Variants in TOPAZ1 observed in about 807,000 individuals in gnomAD.
The protein encoded by TOPAZ1 is protein TOPAZ1.
TOPAZ1 carries 66 observed loss-of-function variants against 172.2 expected under a neutral mutation model. The observed-to-expected ratio is 0.38, with a 90% CI of 0.31 to 0.47. The LOEUF (loss-of-function observed/expected upper bound fraction) is 0.47. Among genes scored for constraint, TOPAZ1 ranks in the 20% least tolerant of loss-of-function variants. TOPAZ1 has a pLI of 0.99. For missense variants in TOPAZ1, 1,822 were observed against 1,972.4 expected, an observed-to-expected ratio of 0.92 and a Z score of 1.44; for synonymous variants, 681 against 683.9, an observed-to-expected ratio of 1.00 and a Z score of 0.07.
rs71085610 is a variant in TOPAZ1 at position 44,267,289 on chromosome 3, C to CT, written c.3160+175dup. Among the ~76,000 whole-genome samples the CT allele has an allele frequency of 8.2e-3, 862 of 104,616 alleles. 17 individuals carry two copies. Among genetic ancestry groups the CT allele is most frequent in the African/African-American group, 0.025 (636 of 25,902 alleles). 68.6% of individuals were successfully genotyped at this position (104,616 alleles called of 152,430 possible). A position where few individuals can be genotyped will look rare whatever the true frequency, so the allele number is the denominator to read the frequency against. ...AAGGTTTGTGCACCTTTACTTAGTA[C>CT]TTTTTTTTTTTTTTTTTTTTTTGAG... On this transcript the variant is annotated intron_variant, in intron 6 of 19. Transcript: ENST00000309765.
rs755958272 is a variant in TOPAZ1, at chr3:44,270,743, A to G, written c.3305A>G (p.Asn1102Ser). 6.4e-7 allele frequency: 1 copy of G among 1,550,938 alleles called. No individual in the cohort carries two copies. Among genetic ancestry groups the G allele is most frequent in the South Asian group, 1.2e-5 (1 of 83,856 alleles). ...IPYKYCKFHF[N>S]TLRGCERPLC... ...TATAAATATTGCAAATTTCATTTTA[A>G]TACATTACGTGGCTGTGAGCGACCA... Residue 1102 changes from asparagine to serine, a missense_variant, in exon 8 of 20, where the codon AAT becomes AGT. Physicochemically the swap from Asn to Ser is conservative, Grantham distance 46. This residue lies in a region of TOPAZ1 where 1,489 missense variants were observed against 1,490.8 expected (regional missense o/e 1.00). Coordinates refer to ENST00000309765, the MANE Select transcript of TOPAZ1 (RefSeq NM_001145030.2).
chr3:44,249,392 A>C (rs1459435841), intron 2 of TOPAZ1, among the ~76,000 whole-genome samples: 3 of 152,208 alleles, frequency 2.0e-5, no homozygotes, highest in Non-Finnish European at 4.4e-5. Context: ...ATTTTAGATT[A>C]ACAAAGAAGA....
chr3:44,304,973 A>G (rs893199419), intron 13 of TOPAZ1, among the ~76,000 whole-genome samples, 174 bp from the exon 14 acceptor site: 1 of 152,216 alleles, frequency 6.6e-6, no homozygotes, highest in African/African-American at 2.4e-5. Flanking sequence ...CAAAGTTACA[A>G]TAGTGTGTTG....
In TOPAZ1 at chr3:44,244,383, C is replaced by T. The variant is rs145012699; in HGVS notation, c.1877C>T (p.Thr626Met). ...TTAACCAGTGAGACTCAAAGCTTAA[C>T]GGGAAATAAAAAAAAAGCTAGAGGA... The part of the protein sequence containing the change: ...TQLTSETQSL[T>M]GNKKKARGNL... Residue 626 changes from threonine (T) to methionine (M), a missense_variant, in exon 2 of 20, where the codon ACG becomes ATG. Thr to Met is a moderately conservative substitution (Grantham distance 81, BLOSUM62 -1). Coordinates refer to ENST00000309765, the MANE Select transcript of TOPAZ1 (RefSeq NM_001145030.2). 5.2e-4 allele frequency: 811 copies of T among 1,550,390 alleles called. 1 individual carries two copies. Among genetic ancestry groups the T allele is most frequent in the South Asian group, 4.2e-3 (354 of 83,852 alleles).
At chr3:44,255,720 C>CAT (rs1384198788) in intron 3 of TOPAZ1, among the ~76,000 whole-genome samples, 3 of 13,958 alleles carry the variant, frequency 2.1e-4, no homozygotes, top group Non-Finnish European at 5.1e-4. Context: ...CACACACACA[C>CAT]ATATATATAT....
At chr3:44,255,110 C>A in intron 3 of TOPAZ1, 81 bp downstream of exon 3, 1 of 1,010,204 alleles carries the variant, frequency 9.9e-7, no homozygotes, top group Non-Finnish European at 1.5e-6. Flanking sequence ...GATGAATTCA[C>A]TAGAACAAGA....
chr3:44,334,240 CCT>C (rs1365654112), downstream of TOPAZ1, among the ~76,000 whole-genome samples: 2 of 152,114 alleles, frequency 1.3e-5, no homozygotes, highest in Non-Finnish European at 2.9e-5. Context: ...TCATTTTCCC[CCT>C]GACAGATATC....
intron 19 of TOPAZ1, among the ~76,000 whole-genome samples, chr3:44,329,500 G>A (rs1700640256): frequency 6.6e-6 from 1 of 152,210 alleles, no homozygotes; most frequent in Non-Finnish European, 1.5e-5. Context: ...GAAAAAGCAA[G>A]GAGGAAGCTG....
At chr3:44,284,794 GA>G (rs1401627830) in intron 9 of TOPAZ1, among the ~76,000 whole-genome samples, 1 of 152,070 alleles carries the variant, frequency 6.6e-6, no homozygotes, top group Non-Finnish European at 1.5e-5. Context: ...CAATTCAGTA[GA>G]AAAAAGTCTT....
At chr3:44,315,200 C>CATGTGTGTGTGTGT (rs1255094658) in intron 16 of TOPAZ1, among the ~76,000 whole-genome samples, 3 of 150,096 alleles carry the variant, frequency 2.0e-5, no homozygotes, top group African/African-American at 7.4e-5. Flanking sequence ...TTTGAAAGAA[C>CATGTGTGTGTGTGT]GTGTGTGTGT....
At chr3:44,253,916 G>A (rs1699664504) in intron 2 of TOPAZ1, among the ~76,000 whole-genome samples, 1 of 152,192 alleles carries the variant, frequency 6.6e-6, no homozygotes, top group Non-Finnish European at 1.5e-5. Context: ...GTGGGATTAT[G>A]AGTGTTTATT....
At position 44,304,764 on chromosome 3, in the gene TOPAZ1, T is replaced by C. The variant is rs1001637767; in HGVS notation, c.3865-383T>C. Among the ~76,000 whole-genome samples, 16 of 152,360 alleles carry C rather than the reference T, an allele frequency of 1.1e-4. No homozygotes were observed. In the East Asian group the frequency reaches 2.7e-3, roughly 26 times the overall value. ...ATGGCCAGATAACATTAAAATGTAC[T>C]TTCTAAAAGTAGTAAAATAATGCAT... On this transcript the variant is annotated intron_variant, in intron 13 of 19. Coordinates refer to ENST00000309765, the MANE Select transcript of TOPAZ1 (RefSeq NM_001145030.2).
intron 5 of TOPAZ1, 94 bp downstream of exon 5, chr3:44,262,577 T>A: frequency 1.6e-6 from 1 of 611,434 alleles, no homozygotes; most frequent in Non-Finnish European, 2.8e-6. Flanking sequence ...GTTTATATGC[T>A]TGGGCTATAT....
intron 2 of TOPAZ1, among the ~76,000 whole-genome samples, chr3:44,251,190 G>T (rs543117091): frequency 7.0e-4 from 106 of 152,030 alleles, no homozygotes; most frequent in Non-Finnish European, 1.3e-3. Context: ...ATGCCATCAT[G>T]GCTCACTGCA....
intron 16 of TOPAZ1, among the ~76,000 whole-genome samples, chr3:44,310,855 T>G (rs1196148700): frequency 6.6e-6 from 1 of 152,220 alleles, no homozygotes; most frequent in African/African-American, 2.4e-5. Context: ...AAGGCAATTC[T>G]TCTAAGCAGA....
chr3:44,323,322 A>G (rs1488105302), intron 18 of TOPAZ1, 27 bp downstream of exon 18: 2 of 1,419,470 alleles, frequency 1.4e-6, no homozygotes, highest in East Asian at 2.5e-5. Context: ...ATGTTTTAAT[A>G]TATTGGTTTA....
intron 4 of TOPAZ1, among the ~76,000 whole-genome samples, chr3:44,257,468 T>G (rs370063666): frequency 0.018 from 560 of 31,034 alleles, 11 homozygotes; most frequent in African/African-American, 0.063. Flanking sequence ...TATATATATA[T>G]AGTGTGTGTG....
At chr3:44,306,456 G>T (rs1242281942) in intron 15 of TOPAZ1, 30 bp downstream of exon 15, 1 of 1,286,482 alleles carries the variant, frequency 7.8e-7, no homozygotes, top group Non-Finnish European at 1.1e-6. Flanking sequence ...TCTTGGCTTG[G>T]TATAGAGACT....
At chr3:44,255,474 A>G (rs888881968) in intron 3 of TOPAZ1, among the ~76,000 whole-genome samples, 1 of 151,810 alleles carries the variant, frequency 6.6e-6, no homozygotes, top group Non-Finnish European at 1.5e-5. Flanking sequence ...AACATGGTGA[A>G]ACCCCATCTC....
Sources: gnomAD v4.1 joint callset for allele counts (sites outside exome capture counted in the v4.1 genomes callset) on GRCh38, gnomAD v4.1.1 for gene constraint, gnomAD v4.1.1 regional missense constraint, MANE v1.5 for transcripts, NCBI Gene and HGNC (gene_info 2026-07-23, HGNC 2026-07-21) for gene names.